The following SPMIP3 variants were observed in gnomAD, a reference collection of about 807,000 sequenced individuals.
SPMIP3 encodes the protein protein SPMIP3.
At chr1:244,388,309 A>G in the SPMIP3 span, among the ~76,000 whole-genome samples, 59 of 152,190 alleles carry the variant, frequency 3.9e-4, no homozygotes, top group Non-Finnish European at 2.1e-4. Context: ...ATAATAAAAT[A>G]CTTATTTATT....
the SPMIP3 span, among the ~76,000 whole-genome samples, chr1:244,385,042 C>T: frequency 6.6e-6 from 1 of 152,160 alleles, no homozygotes; most frequent in Admixed American, 6.5e-5. Flanking sequence ...GCTGGGATTA[C>T]AGGCACCCAC....
At chr1:244,374,587 C>CTTTTTTTTTTTTTTTTTTTTTTTTTTTT in the SPMIP3 span, among the ~76,000 whole-genome samples, 1 of 74,616 alleles carries the variant, frequency 1.3e-5, no homozygotes, top group Non-Finnish European at 2.4e-5. Flanking sequence ...CCACATTTCT[C>CTTTTTTTTTTTTTTTTTTTTTTTTTTTT]TTTTTTTTTT....
chr1:244,362,025 T>C, the SPMIP3 span, among the ~76,000 whole-genome samples: 3 of 152,218 alleles, frequency 2.0e-5, no homozygotes, highest in African/African-American at 7.2e-5. Flanking sequence ...TCTCTCTCTC[T>C]TTTTTAAATA....
chr1:244,372,652 C>A, the SPMIP3 span, among the ~76,000 whole-genome samples: 1 of 152,090 alleles, frequency 6.6e-6, no homozygotes, highest in Non-Finnish European at 1.5e-5. Flanking sequence ...ACCGCGTTAG[C>A]CAGGATGGTC....
chr1:244,372,592 C>T, the SPMIP3 span, among the ~76,000 whole-genome samples: 142 of 152,120 alleles, frequency 9.3e-4, 2 homozygotes, highest in Middle Eastern at 0.017. Flanking sequence ...TACAGGTGCC[C>T]GCCACCACAC....
At chr1:244,387,562 G>T in the SPMIP3 span, among the ~76,000 whole-genome samples, 1 of 152,172 alleles carries the variant, frequency 6.6e-6, no homozygotes, top group Non-Finnish European at 1.5e-5. Flanking sequence ...TTCTGCCTCT[G>T]CCATTTCCTG....
the SPMIP3 span, chr1:244,375,623 G>T: frequency 1.9e-5 from 9 of 475,854 alleles, no homozygotes; most frequent in East Asian, 3.6e-5. Flanking sequence ...ATACCAAACT[G>T]TTAATGTTTT....
chr1:244,367,626 C>CA, the SPMIP3 span, among the ~76,000 whole-genome samples: 36 of 152,284 alleles, frequency 2.4e-4, no homozygotes, highest in African/African-American at 8.7e-4. Context: ...GGACAAGCCC[C>CA]AGAGAGCAGA....
the SPMIP3 span, among the ~76,000 whole-genome samples, chr1:244,354,169 C>G: frequency 2.5e-5 from 3 of 122,418 alleles, no homozygotes; most frequent in African/African-American, 8.5e-5. Context: ...TTTTCCAAAT[C>G]TTACCAGATA....
At chr1:244,362,010 TTCTCTCTC>T in the SPMIP3 span, among the ~76,000 whole-genome samples, 1 of 151,824 alleles carries the variant, frequency 6.6e-6, no homozygotes, top group South Asian at 2.1e-4. Context: ...TTCTTTCTCT[TTCTCTCTC>T]TCTCTCTTTT....
chr1:244,360,149 A>G, the SPMIP3 span, among the ~76,000 whole-genome samples: 1 of 152,094 alleles, frequency 6.6e-6, no homozygotes, highest in Non-Finnish European at 1.5e-5. Context: ...GAAAAATGCA[A>G]ATGAATCCTG....
the SPMIP3 span, among the ~76,000 whole-genome samples, chr1:244,366,102 T>C: frequency 2.0e-5 from 3 of 152,154 alleles, no homozygotes; most frequent in African/African-American, 4.8e-5. Flanking sequence ...CCTCACACCA[T>C]GACATGGGGG....
At chr1:244,373,209 T>G in the SPMIP3 span, among the ~76,000 whole-genome samples, 1 of 151,232 alleles carries the variant, frequency 6.6e-6, no homozygotes, top group South Asian at 2.1e-4. Flanking sequence ...AATGAGACCC[T>G]GTCTTTTAAA....
chr1:244,376,815 C>T, the SPMIP3 span, among the ~76,000 whole-genome samples: 24 of 151,306 alleles, frequency 1.6e-4, no homozygotes, highest in Admixed American at 1.4e-3. Flanking sequence ...TACAGCATCC[C>T]CCTTTTTTTT....
the SPMIP3 span, among the ~76,000 whole-genome samples, chr1:244,362,799 G>A: frequency 6.6e-6 from 1 of 150,796 alleles, no homozygotes; most frequent in African/African-American, 2.4e-5. Flanking sequence ...TTGTCCCCCA[G>A]CCACTCAGTT....
the SPMIP3 span, among the ~76,000 whole-genome samples, chr1:244,367,617 G>A: frequency 6.2e-4 from 94 of 152,296 alleles, no homozygotes; most frequent in African/African-American, 2.1e-3. Context: ...CGGCTCGGAG[G>A]ACAAGCCCCA....
the SPMIP3 span, among the ~76,000 whole-genome samples, chr1:244,369,168 A>T: frequency 6.6e-6 from 1 of 152,154 alleles, no homozygotes; most frequent in Non-Finnish European, 1.5e-5. Context: ...CAAAAAAAAA[A>T]ATCATATTAT....
the SPMIP3 span, among the ~76,000 whole-genome samples, chr1:244,365,975 C>A: frequency 6.6e-6 from 1 of 152,126 alleles, no homozygotes; most frequent in African/African-American, 2.4e-5. Context: ...AGCCCTAGAT[C>A]TGTCTTGTTG....
At chr1:244,383,774 G>A in the SPMIP3 span, among the ~76,000 whole-genome samples, 1 of 152,172 alleles carries the variant, frequency 6.6e-6, no homozygotes, top group African/African-American at 2.4e-5. Flanking sequence ...TGGAGTATAG[G>A]AATCAGGAGG....
Sources: gnomAD v4.1 joint callset for allele counts (sites outside exome capture counted in the v4.1 genomes callset) on GRCh38, gnomAD v4.1.1 for gene constraint, MANE v1.5 for transcripts, NCBI Gene and HGNC (gene_info 2026-07-23, HGNC 2026-07-21) for gene names.